The following SLC25A21 variants were observed in gnomAD, a reference collection of about 807,000 sequenced individuals.
SLC25A21 encodes the protein mitochondrial 2-oxodicarboxylate carrier.
SLC25A21 carries 47 observed loss-of-function variants against 43.8 expected under a neutral mutation model. The observed-to-expected ratio is 1.07, with a 90% CI of 0.85 to 1.37. The LOEUF is 1.37. Ranked by LOEUF, SLC25A21 falls within the 40% of genes most tolerant of loss-of-function variation. The pLI, the probability that SLC25A21 is intolerant of heterozygous loss-of-function variation, is 0.00. For synonymous variants in SLC25A21, 131 were observed against 121.3 expected, an observed-to-expected ratio of 1.08 and a Z score of -0.52; for missense variants, 352 against 350.2, an observed-to-expected ratio of 1.00 and a Z score of -0.04.
chr14:36,779,363 A>C (rs1886952717), intron 3 of SLC25A21, among the ~76,000 whole-genome samples: 2 of 144,512 alleles, frequency 1.4e-5, no homozygotes, highest in South Asian at 2.1e-4. Context: ...GGAATTATAT[A>C]TCTCTCTCTA....
intron 1 of SLC25A21, among the ~76,000 whole-genome samples, chr14:36,960,650 A>T (rs984412035): frequency 9.2e-5 from 14 of 152,118 alleles, no homozygotes; most frequent in Non-Finnish European, 1.9e-4. Context: ...CCTTCTGCCT[A>T]AAGGTGGTCT....
intron 6 of SLC25A21, among the ~76,000 whole-genome samples, chr14:36,722,660 G>A (rs1010110998): frequency 6.6e-6 from 1 of 151,992 alleles, no homozygotes; most frequent in African/African-American, 2.4e-5. Flanking sequence ...AATTTCACCT[G>A]TTTCTTTTTA....
intron 1 of SLC25A21, among the ~76,000 whole-genome samples, chr14:37,000,690 ACCT>A (rs1430309303): frequency 6.6e-6 from 1 of 152,076 alleles, no homozygotes; most frequent in African/African-American, 2.4e-5. Context: ...CAGGGGAGGG[ACCT>A]GGTGCGAGGT....
At chr14:37,131,693 G>A (rs1210103398) in intron 1 of SLC25A21, among the ~76,000 whole-genome samples, 1 of 152,112 alleles carries the variant, frequency 6.6e-6, no homozygotes, top group African/African-American at 2.4e-5. Context: ...TTTTTATCTT[G>A]AGACAGGGTC....
chr14:36,779,250 ATATAT>A, intron 3 of SLC25A21, among the ~76,000 whole-genome samples: 1 of 146,342 alleles, frequency 6.8e-6, no homozygotes, highest in Admixed American at 6.9e-5. Context: ...AGATAATATA[ATATAT>A]AATATATAAG....
intron 1 of SLC25A21, among the ~76,000 whole-genome samples, chr14:36,887,988 T>C (rs1237369351): frequency 6.6e-6 from 1 of 152,120 alleles, no homozygotes; most frequent in Non-Finnish European, 1.5e-5. Context: ...CCACACTTTC[T>C]CACTTGCATT....
chr14:37,062,799 TAG>T (rs1042638679), intron 1 of SLC25A21, among the ~76,000 whole-genome samples: 1 of 152,166 alleles, frequency 6.6e-6, no homozygotes, highest in Non-Finnish European at 1.5e-5. Context: ...GCTGGTGTAA[TAG>T]AGAGGCTATC....
At chr14:36,852,130 C>A (rs1274554732) in intron 2 of SLC25A21, among the ~76,000 whole-genome samples, 1 of 152,130 alleles carries the variant, frequency 6.6e-6, no homozygotes, top group Non-Finnish European at 1.5e-5. Context: ...CCTTTCTGAT[C>A]CAAATGAGCA....
intron 1 of SLC25A21, among the ~76,000 whole-genome samples, chr14:36,913,342 T>G (rs1438095569): frequency 6.6e-6 from 1 of 152,110 alleles, no homozygotes; most frequent in African/African-American, 2.4e-5. Flanking sequence ...CAGGCTGGAG[T>G]GCAGTGAATG....
At chr14:36,978,521 C>T (rs1959935128) in intron 1 of SLC25A21, among the ~76,000 whole-genome samples, 1 of 152,146 alleles carries the variant, frequency 6.6e-6, no homozygotes, top group Non-Finnish European at 1.5e-5. Context: ...TTGCTAAAAA[C>T]TCAGTATCTG....
intron 1 of SLC25A21, among the ~76,000 whole-genome samples, chr14:36,956,986 G>A (rs749259421): frequency 7.2e-5 from 11 of 152,076 alleles, no homozygotes; most frequent in South Asian, 2.1e-4. Context: ...AGAGCTTTTC[G>A]TCCAAATGCA....
intron 1 of SLC25A21, among the ~76,000 whole-genome samples, chr14:37,087,302 A>T (rs1962504016): frequency 6.6e-6 from 1 of 152,218 alleles, no homozygotes; most frequent in South Asian, 2.1e-4. Context: ...GAATAAATCA[A>T]CTTCATCACT....
intron 1 of SLC25A21, among the ~76,000 whole-genome samples, chr14:37,105,640 A>C (rs1020194580): frequency 3.3e-5 from 5 of 152,198 alleles, no homozygotes; most frequent in African/African-American, 7.2e-5. Flanking sequence ...GAAAGCAGAT[A>C]TCCTGAGTTA....
chr14:36,764,523 C>T (rs1886328613), intron 3 of SLC25A21, among the ~76,000 whole-genome samples: 1 of 130,294 alleles, frequency 7.7e-6, no homozygotes, highest in Non-Finnish European at 1.6e-5. Context: ...TATGCACACT[C>T]ACCCACACTC....
chr14:36,830,229 A>G (rs941016139), intron 2 of SLC25A21, among the ~76,000 whole-genome samples: 1 of 152,156 alleles, frequency 6.6e-6, no homozygotes, highest in Non-Finnish European at 1.5e-5. Flanking sequence ...ACTCTTTCAC[A>G]TTTTTTGAAG....
rs1405154059 is a variant in SLC25A21 at position 36,680,057 on chromosome 14, T to G, written c.*601A>C. The G allele has an allele frequency of 2.3e-6, 2 of 863,130 alleles. No homozygotes were observed. The highest frequency in any genetic ancestry group is 1.8e-5 in the African/African-American group (1 of 54,446). The allele number at this position is 863,130 out of a possible 1,614,324, so 53.5% of individuals were successfully genotyped here. On this transcript the variant is annotated 3_prime_UTR_variant, in exon 10 of 10. Transcript: ENST00000331299. ...TAGATGTAGGAAAATAGAGCTGATA[T>G]GTGCATAGTTACTAAAAAAAACCAA...
intron 1 of SLC25A21, among the ~76,000 whole-genome samples, chr14:36,995,135 T>C (rs1332637017): frequency 2.0e-5 from 3 of 152,200 alleles, no homozygotes; most frequent in African/African-American, 4.8e-5. Flanking sequence ...TCAAAGTGTG[T>C]TGTTGAAGTG....
At chr14:36,960,226 T>C (rs1391381000) in intron 1 of SLC25A21, among the ~76,000 whole-genome samples, 1 of 152,202 alleles carries the variant, frequency 6.6e-6, no homozygotes. Flanking sequence ...CCTCTTCCTA[T>C]CCAATTATAC....
Position 36,969,216 on chromosome 14 carries a change from C to T in SLC25A21, c.71-94212G>A, listed in dbSNP as rs576529153. On this transcript the variant is annotated intron_variant, in intron 1 of 9. Coordinates refer to ENST00000331299, the MANE Select transcript of SLC25A21 (RefSeq NM_030631.4). Reference sequence around the variant, plus strand: ...ATAAATAAATATGTTGTCTTTGATGCCCACCAAAGTTGATGTTCCAGACCC... The same window carrying T: ...ATAAATAAATATGTTGTCTTTGATGTCCACCAAAGTTGATGTTCCAGACCC... Among the ~76,000 whole-genome samples, 6 of 152,204 alleles carry T rather than the reference C, an allele frequency of 3.9e-5. No homozygotes were observed. The South Asian group carries it at 1.0e-3, about 26-fold the overall frequency.
Sources: gnomAD v4.1 joint callset for allele counts (sites outside exome capture counted in the v4.1 genomes callset) on GRCh38, gnomAD v4.1.1 for gene constraint, MANE v1.5 for transcripts, NCBI Gene and HGNC (gene_info 2026-07-23, HGNC 2026-07-21) for gene names.